Variants in ST8SIA4 observed in about 807,000 individuals in gnomAD.
The protein encoded by ST8SIA4 is ST8 alpha-N-acetyl-neuraminide alpha-2,8-sialyltransferase 4.
ST8SIA4 carries 15 observed loss-of-function variants against 33.9 expected under a neutral mutation model. The ratio of observed to expected loss-of-function variants is 0.44; its 90% confidence interval spans 0.30 to 0.68. The LOEUF (loss-of-function observed/expected upper bound fraction) is 0.68, where lower values mean the gene tolerates loss of function less well. ST8SIA4 is among the 30% of genes least tolerant of loss of function. ST8SIA4 has a pLI of 0.10. For missense variants in ST8SIA4, 321 were observed against 428.0 expected (o/e 0.75, Z 2.21); for synonymous variants, 171 against 151.2 (o/e 1.13, Z -0.96).
intron 3 of ST8SIA4, among the ~76,000 whole-genome samples, chr5:100,866,961 A>G (rs1752079044): frequency 6.6e-6 from 1 of 152,152 alleles, no homozygotes; most frequent in Non-Finnish European, 1.5e-5. Context: ...AATATGACAT[A>G]TTAATTTCAC....
intron 3 of ST8SIA4, among the ~76,000 whole-genome samples, chr5:100,864,574 CAAAAAAAA>C (rs201029430): frequency 0.018 from 1,220 of 69,232 alleles, 12 homozygotes; most frequent in African/African-American, 0.073. Context: ...GACTCCGGCT[CAAAAAAAA>C]AAAAAAAAAA....
At chr5:100,895,914 A>G (rs1752770441) in intron 1 of ST8SIA4, 129 bp from the exon 2 acceptor site, 10 of 892,270 alleles carry the variant, frequency 1.1e-5, no homozygotes, top group Non-Finnish European at 1.5e-5. Context: ...TTAGAAGGAA[A>G]TACGCAAGCA....
intron 1 of ST8SIA4, chr5:100,900,436 TTA>T (rs1434734818): frequency 6.6e-6 from 3 of 456,216 alleles, no homozygotes; most frequent in South Asian, 4.6e-5. Context: ...TTTGATGGTT[TTA>T]TGAGTCAACT....
intron 3 of ST8SIA4, among the ~76,000 whole-genome samples, chr5:100,867,805 T>C (rs1752102514): frequency 6.6e-6 from 1 of 151,966 alleles, no homozygotes; most frequent in African/African-American, 2.4e-5. Flanking sequence ...AGAAAGACAG[T>C]TGGTTTGATG....
At chr5:100,861,222 C>A (rs982621067) in intron 3 of ST8SIA4, among the ~76,000 whole-genome samples, 1 of 151,878 alleles carries the variant, frequency 6.6e-6, no homozygotes, top group Non-Finnish European at 1.5e-5. Flanking sequence ...ATGCTTTTAA[C>A]AATACCAATT....
chr5:100,841,506 CCT>C (rs760369347), intron 4 of ST8SIA4, among the ~76,000 whole-genome samples: 1 of 151,794 alleles, frequency 6.6e-6, no homozygotes, highest in Non-Finnish European at 1.5e-5. Context: ...CCAATGGAAA[CCT>C]CTAGAGGGTA....
intron 4 of ST8SIA4, among the ~76,000 whole-genome samples, chr5:100,838,615 A>C (rs1751410596): frequency 1.3e-5 from 2 of 149,876 alleles, no homozygotes; most frequent in South Asian, 4.2e-4. Flanking sequence ...CTAGAGAAAA[A>C]AAAACCTGTT....
chr5:100,820,111 T>C (rs1199303967), intron 4 of ST8SIA4, among the ~76,000 whole-genome samples: 2 of 152,158 alleles, frequency 1.3e-5, no homozygotes, highest in Non-Finnish European at 2.9e-5. Flanking sequence ...TTAAACATAT[T>C]AGGACCCAGT....
At position 100,821,240 on chromosome 5, in the gene ST8SIA4, GAA is replaced by G. The variant is rs1023547713; in HGVS notation, c.798-9113_798-9112del. Among the ~76,000 whole-genome samples the G allele has an allele frequency of 5.3e-5, 8 of 150,128 alleles. No homozygotes were observed. In the South Asian group the frequency reaches 1.7e-3, roughly 32 times the overall value. On this transcript the variant is annotated intron_variant, in intron 4 of 4. Transcript: ENST00000231461. ...ATCAGAGGACATGGAGTCCTACAAA[GAA>G]AAAAAAAGCATTAAAATACAAGGGG...
chr5:100,847,907 C>T (rs185053115), intron 4 of ST8SIA4, among the ~76,000 whole-genome samples: 137 of 152,032 alleles, frequency 9.0e-4, no homozygotes, highest in Middle Eastern at 3.4e-3. Context: ...GAATCCTGGG[C>T]GGGTACATTA....
At position 100,872,558 on chromosome 5, in the gene ST8SIA4, C is replaced by T. The variant is rs1388629388; in HGVS notation, c.503+13785G>A. Among the ~76,000 whole-genome samples, 2 of 151,970 alleles carry T rather than the reference C, an allele frequency of 1.3e-5. 1 individual carries two copies. Among genetic ancestry groups the T allele is most frequent in the Non-Finnish European group, 2.9e-5 (2 of 67,978 alleles). ...GATAATTGATTCATGGAGGGAGTTT[C>T]CTCCGTCCTGTTCTTGTGATAGTGA... On this transcript the variant is annotated intron_variant, in intron 3 of 4. Coordinates refer to ENST00000231461, the MANE Select transcript of ST8SIA4 (RefSeq NM_005668.6).
chr5:100,902,428 C>T (rs550270270), intron 1 of ST8SIA4, among the ~76,000 whole-genome samples: 1 of 152,144 alleles, frequency 6.6e-6, no homozygotes, highest in South Asian at 2.1e-4. Flanking sequence ...GCTTTAACTT[C>T]AGCCCTTCGA....
intron 3 of ST8SIA4, among the ~76,000 whole-genome samples, chr5:100,884,416 G>A (rs1752492794): frequency 6.6e-6 from 1 of 152,022 alleles, no homozygotes; most frequent in Non-Finnish European, 1.5e-5. Context: ...TAAGAGAGGT[G>A]GACAGAAAGA....
At chr5:100,871,165 T>A (rs952950169) in intron 3 of ST8SIA4, among the ~76,000 whole-genome samples, 1 of 149,236 alleles carries the variant, frequency 6.7e-6, no homozygotes, top group Non-Finnish European at 1.5e-5. Context: ...AAATAAGATA[T>A]TTTTTTTCTG....
At chr5:100,894,471 A>T (rs2112481465) in intron 2 of ST8SIA4, among the ~76,000 whole-genome samples, 1 of 152,182 alleles carries the variant, frequency 6.6e-6, no homozygotes, top group South Asian at 2.1e-4. Flanking sequence ...AAGCAAACAA[A>T]CACACACCAC....
chr5:100,861,291 G>A (rs1751935893), intron 3 of ST8SIA4, among the ~76,000 whole-genome samples: 2 of 152,096 alleles, frequency 1.3e-5, no homozygotes, highest in South Asian at 2.1e-4. Flanking sequence ...ATAATGAAAT[G>A]ACTAAACAGA....
chr5:100,898,716 C>T (rs1752832280), intron 1 of ST8SIA4, among the ~76,000 whole-genome samples: 1 of 152,162 alleles, frequency 6.6e-6, no homozygotes, highest in Non-Finnish European at 1.5e-5. Flanking sequence ...TCAGAAAAGG[C>T]TCTTCCTTCC....
chr5:100,891,945 T>A (rs1752678694), intron 2 of ST8SIA4, among the ~76,000 whole-genome samples: 1 of 152,026 alleles, frequency 6.6e-6, no homozygotes, highest in Non-Finnish European at 1.5e-5. Context: ...ATGTATGCAA[T>A]AGGAAATTTT....
At chr5:100,882,012 G>A (rs927355036) in intron 3 of ST8SIA4, among the ~76,000 whole-genome samples, 4 of 152,156 alleles carry the variant, frequency 2.6e-5, no homozygotes, top group Admixed American at 6.5e-5. Flanking sequence ...ATTAGTACCC[G>A]TAGAGTGGGG....
Sources: allele counts gnomAD v4.1 joint callset (sites outside exome capture counted in the v4.1 genomes callset), GRCh38; gene constraint gnomAD v4.1.1; transcripts MANE v1.5; gene names NCBI Gene and HGNC (gene_info 2026-07-23, HGNC 2026-07-21).